The following TBX4 variants were observed in gnomAD, a reference collection of about 807,000 sequenced individuals.
The protein encoded by TBX4 is T-box transcription factor TBX4.
In TBX4, 13 loss-of-function variants were observed where a neutral mutation model predicts 54.6. That is an observed-to-expected ratio of 0.24 (90% CI 0.15 to 0.38). The LOEUF is 0.38. Ranked by LOEUF, TBX4 falls within the 10% of genes least tolerant of loss-of-function variation. The pLI is 1.00. For synonymous variants in TBX4, 314 were observed against 306.7 expected, an observed-to-expected ratio of 1.02 and a Z score of -0.25; for missense variants, 631 against 728.5, an observed-to-expected ratio of 0.87 and a Z score of 1.54.
Position 61,481,848 on chromosome 17 carries a change from C to T in TBX4, c.1022-1049C>T, listed in dbSNP as rs1603255793. 6.6e-6 allele frequency: 1 copy of T among 152,390 alleles called. No individual in the cohort carries two copies. Among genetic ancestry groups the T allele is most frequent in the Admixed American group, 6.5e-5 (1 of 15,302 alleles). The allele number at this position is 152,390 out of a possible 1,614,324, so 9.4% of individuals were successfully genotyped here. On this transcript the variant is annotated intron_variant, in intron 8 of 8. Coordinates refer to ENST00000644296, the MANE Select transcript of TBX4 (RefSeq NM_001321120.2). The surrounding 1 kb of genome is among the most constrained non-coding windows in gnomAD (Gnocchi z 4.8). ...ATGGTGCAATCTGGGCTCACTGCAA[C>T]CTCTGCCTCCCGAATTCAAGTGATT...
intron 5 of TBX4, among the ~76,000 whole-genome samples, chr17:61,468,678 T>C (rs2060553602): frequency 6.6e-6 from 1 of 152,248 alleles, no homozygotes; most frequent in African/African-American, 2.4e-5. Flanking sequence ...TGGTGAGCTA[T>C]AAACAAGCAG....
chr17:61,473,307 G>A (rs1260562162), intron 5 of TBX4, among the ~76,000 whole-genome samples: 2 of 152,176 alleles, frequency 1.3e-5, no homozygotes, highest in African/African-American at 2.4e-5. Flanking sequence ...GAGTTACTAT[G>A]TGACTGCCCC....
chr17:61,456,762 G>A, intron 2 of TBX4, 86 bp downstream of exon 2: 1 of 1,097,118 alleles, frequency 9.1e-7, no homozygotes, highest in Non-Finnish European at 1.2e-6. Flanking sequence ...CCGATTGTCG[G>A]CAGGACTCGC....
At position 61,457,687 on chromosome 17, in the gene TBX4, G is replaced by C; in HGVS notation, c.281+56G>C. ...GGCGGTGGGGAGCAAGGGGGGCCAG[G>C]GAGGTCCCTTAGAAGTCCTCTCGGC... On this transcript the variant is annotated intron_variant, in intron 3 of 8. Transcript: ENST00000644296. This position sits in a 1 kb window ranked among gnomAD's most constrained non-coding sequence, Gnocchi z 8.2. The C allele has an allele frequency of 6.4e-7, 1 of 1,561,748 alleles. No individual in the cohort carries two copies. The highest frequency in any genetic ancestry group is 8.8e-7 in the Non-Finnish European group (1 of 1,135,724).
At chr17:61,467,769 TG>T in intron 5 of TBX4, 112 bp downstream of exon 5, 1 of 1,385,642 alleles carries the variant, frequency 7.2e-7, no homozygotes, top group South Asian at 1.3e-5. Context: ...CTCCAGGCTT[TG>T]GCGCTCACTG....
chr17:61,484,896 CAT>C lies in TBX4; in HGVS notation c.*1381_*1382del, dbSNP rs1381919908. 4 of 146,860 alleles carry C rather than the reference CAT, an allele frequency of 2.7e-5. No homozygotes were observed. The highest frequency in any genetic ancestry group is 2.1e-4 in the South Asian group (1 of 4,730). The allele number at this position is 146,860 out of a possible 1,614,324, so 9.1% of individuals were successfully genotyped here. ...AAGACATCTATTTAAATTTTTATTA[CAT>C]GTTTGATATTAAAAACTAAGAATGG... On this transcript the variant is annotated 3_prime_UTR_variant, in exon 9 of 9. Transcript: ENST00000644296. This position sits in a 1 kb window ranked among gnomAD's most constrained non-coding sequence, Gnocchi z 4.1.
Position 61,483,102 on chromosome 17 carries a change from C to T in TBX4, c.1227C>T (p.Asp409=), listed in dbSNP as rs7218485. 0.1 allele frequency: 161,708 copies of T among 1,613,924 alleles called. 8,513 individuals carry two copies. Among genetic ancestry groups the T allele is most frequent in the South Asian group, 0.12 (10,909 of 91,060 alleles). Residue 409 remains aspartate, a synonymous_variant, in exon 9 of 9, where the codon GAC becomes GAT. Coordinates refer to ENST00000644296, the MANE Select transcript of TBX4 (RefSeq NM_001321120.2). This position sits in a 1 kb window ranked among gnomAD's most constrained non-coding sequence, Gnocchi z 6.6. ...AGATTGCCGGGGTGTCTGGGGTGGA[C>T]GACCTGCCCCCACCTCCGCTGAGCT... ...GPEIAGVSGV[D]DLPPPPLSCN...
chr17:61,470,710 C>G (rs1050627571), intron 5 of TBX4, among the ~76,000 whole-genome samples: 5 of 152,210 alleles, frequency 3.3e-5, no homozygotes, highest in African/African-American at 1.2e-4. Context: ...TGAGCTGCCT[C>G]CAGGTGGCCT....
chr17:61,465,956 G>A lies in TBX4; in HGVS notation c.401+18G>A, dbSNP rs540809943. ...AACAAATGGTAAGTGGACCCTGACC[G>A]CATCACCCACGTTCCCTCAACTGCC... is the stretch of plus-strand genomic sequence containing the variant. On this transcript the variant is annotated intron_variant, in intron 4 of 8. Transcript: ENST00000644296. This position sits in a 1 kb window ranked among gnomAD's most constrained non-coding sequence, Gnocchi z 4.9. 3.0e-5 allele frequency: 49 copies of A among 1,613,112 alleles called. No homozygotes were observed. The highest frequency in any genetic ancestry group is 4.1e-5 in the Non-Finnish European group (48 of 1,179,352).
rs1300650865 is a variant in TBX4 at position 61,459,772 on chromosome 17, C to T, written c.281+2141C>T. On this transcript the variant is annotated intron_variant, in intron 3 of 8. Transcript: ENST00000644296. The surrounding 1 kb of genome is among the most constrained non-coding windows in gnomAD (Gnocchi z 4.8). ...TGGCCAATTATGGATCCATCACAGC[C>T]TTTCACTTCTCTGGCAGAAAGTTAT... Among the ~76,000 whole-genome samples the T allele has an allele frequency of 1.3e-5, 2 of 152,162 alleles. No individual in the cohort carries two copies. Among genetic ancestry groups the T allele is most frequent in the South Asian group, 2.1e-4 (1 of 4,826 alleles).
rs149176014 is a variant in TBX4, at chr17:61,476,602, C to T, written c.550-2025C>T. Among the ~76,000 whole-genome samples the T allele has an allele frequency of 1.2e-3, 179 of 152,366 alleles. 3 individuals are homozygous for T. The East Asian group carries it at 0.028, about 23-fold the overall frequency. ...GAAAGGGACAGACATCGAGGCCTCT[C>T]TGAGCGGGACCTGTGTCCTGTAGCC... On this transcript the variant is annotated intron_variant, in intron 5 of 8. Transcript: ENST00000644296. The surrounding 1 kb of genome is among the most constrained non-coding windows in gnomAD (Gnocchi z 6.5).
rs958442949 is a variant in TBX4 at position 61,472,117 on chromosome 17, GTTTT to G, written c.549+4464_549+4467del. 6.6e-6 allele frequency among the ~76,000 whole-genome samples: 1 copy of G among 151,996 alleles called. No homozygotes were observed. Among genetic ancestry groups the G allele is most frequent in the Non-Finnish European group, 1.5e-5 (1 of 67,984 alleles). On this transcript the variant is annotated intron_variant, in intron 5 of 8. Coordinates refer to ENST00000644296, the MANE Select transcript of TBX4 (RefSeq NM_001321120.2). The surrounding 1 kb of genome is among the most constrained non-coding windows in gnomAD (Gnocchi z 4.5). ...CCAGTTCTTGTTGAAGGAATTAGAT[GTTTT>G]TTTATTCTTTGCTCTTCTGATTAAG...
At chr17:61,468,228 C>T (rs115217193) in intron 5 of TBX4, among the ~76,000 whole-genome samples, 3,136 of 152,292 alleles carry the variant, frequency 0.021, 109 homozygotes, top group African/African-American at 0.071. Context: ...CTGGATTTGG[C>T]CTGGTCCTTA....
In TBX4 at chr17:61,460,337, A is replaced by G. The variant is rs906939742; in HGVS notation, c.281+2706A>G. On this transcript the variant is annotated intron_variant, in intron 3 of 8. Coordinates refer to ENST00000644296, the MANE Select transcript of TBX4 (RefSeq NM_001321120.2). The surrounding 1 kb of genome is among the most constrained non-coding windows in gnomAD (Gnocchi z 4.4). Reference sequence around the variant, plus strand: ...GAGCAGGCCCTGGAAAAGGGGAGCCAGAATGTTCTCAAGCCAGGTTGAGTT... The same window carrying G: ...GAGCAGGCCCTGGAAAAGGGGAGCCGGAATGTTCTCAAGCCAGGTTGAGTT... 5.9e-5 allele frequency: 9 copies of G among 152,254 alleles called. No homozygotes were observed. Among genetic ancestry groups the G allele is most frequent in the African/African-American group, 2.2e-4 (9 of 41,462 alleles). 9.4% of individuals were successfully genotyped at this position (152,254 alleles called of 1,614,324 possible).
Position 61,456,260 on chromosome 17 carries a change from A to G in TBX4, c.-3-228A>G, listed in dbSNP as rs549270487. Reference sequence around the variant, plus strand: ...CAGAACCCCACACCCAGGGGCAGGCAGACATTGAACTGCCGCAGACCCTCC... The same window carrying G: ...CAGAACCCCACACCCAGGGGCAGGCGGACATTGAACTGCCGCAGACCCTCC... On this transcript the variant is annotated intron_variant, in intron 1 of 8. Coordinates refer to ENST00000644296, the MANE Select transcript of TBX4 (RefSeq NM_001321120.2). Among the ~76,000 whole-genome samples, 226 of 152,300 alleles carry G rather than the reference A, an allele frequency of 1.5e-3. 3 individuals are homozygous for G. Among genetic ancestry groups the G allele is most frequent in the African/African-American group, 5.3e-3 (222 of 41,576 alleles).
At position 61,474,678 on chromosome 17, in the gene TBX4, C is replaced by G. The variant is rs2060606287; in HGVS notation, c.550-3949C>G. Among the ~76,000 whole-genome samples the G allele has an allele frequency of 6.6e-6, 1 of 152,190 alleles. No individual in the cohort carries two copies. The highest frequency in any genetic ancestry group is 6.5e-5 in the Admixed American group (1 of 15,278). Reference sequence around the variant, plus strand: ...TTCTGTGAAACGATGATGACGGAACCAGTCATGTAGTGGGGTTGTTGACGT... The same window carrying G: ...TTCTGTGAAACGATGATGACGGAACGAGTCATGTAGTGGGGTTGTTGACGT... On this transcript the variant is annotated intron_variant, in intron 5 of 8. Transcript: ENST00000644296. This position sits in a 1 kb window ranked among gnomAD's most constrained non-coding sequence, Gnocchi z 4.6.
In TBX4 at chr17:61,461,722, C is replaced by G; in HGVS notation, c.281+4091C>G. Among the ~76,000 whole-genome samples, 1 of 152,208 alleles carries G rather than the reference C, an allele frequency of 6.6e-6. No individual in the cohort carries two copies. The highest frequency in any genetic ancestry group is 1.9e-4 in the East Asian group (1 of 5,192). ...ATAAAGAAATAGATCATCACCACCA[C>G]CGCCCCAGAATCCTTCTTGTGTGCC... On this transcript the variant is annotated intron_variant, in intron 3 of 8. Transcript: ENST00000644296. The surrounding 1 kb of genome is among the most constrained non-coding windows in gnomAD (Gnocchi z 5.1).
chr17:61,476,085 G>A lies in TBX4; in HGVS notation c.550-2542G>A, dbSNP rs1037329056. 6.6e-6 allele frequency among the ~76,000 whole-genome samples: 1 copy of A among 152,152 alleles called. No individual in the cohort carries two copies. Among genetic ancestry groups the A allele is most frequent in the African/African-American group, 2.4e-5 (1 of 41,432 alleles). ...CTTGCACTCACTAGATCCTGTCTGG[G>A]GGCAAAGGAGCCTGGAGGTACAAAA... is the stretch of plus-strand genomic sequence containing the variant. On this transcript the variant is annotated intron_variant, in intron 5 of 8. Transcript: ENST00000644296. The surrounding 1 kb of genome is among the most constrained non-coding windows in gnomAD (Gnocchi z 6.5).
chr17:61,457,433 G>T lies in TBX4; in HGVS notation c.187-104G>T. 1.0e-6 allele frequency: 1 copy of T among 990,294 alleles called. No individual in the cohort carries two copies. The allele number at this position is 990,294 out of a possible 1,614,324, so 61.3% of individuals were successfully genotyped here. On this transcript the variant is annotated intron_variant, in intron 2 of 8. Transcript: ENST00000644296. This position sits in a 1 kb window ranked among gnomAD's most constrained non-coding sequence, Gnocchi z 8.2. ...AAATCTGGAGCCATGGGCTCCGGGC[G>T]GGCAGGGTTCCGCACAGCTCTTCGG...
Sources: allele counts gnomAD v4.1 joint callset (sites outside exome capture counted in the v4.1 genomes callset), GRCh38; gene constraint gnomAD v4.1.1; non-coding constraint Gnocchi (gnomAD v3.1); transcripts MANE v1.5; gene names NCBI Gene and HGNC (gene_info 2026-07-23, HGNC 2026-07-21).